KCNMA1: variants seen among roughly 807,000 people sequenced by gnomAD.
KCNMA1 encodes Calcium-activated potassium channel subunit alpha-1.
In KCNMA1, 29 loss-of-function variants were observed where a neutral mutation model predicts 140.0. The ratio of observed to expected loss-of-function variants is 0.21; its 90% CI spans 0.15 to 0.28. The LOEUF (loss-of-function observed/expected upper bound fraction) is 0.28. KCNMA1 is among the 10% of genes least tolerant of loss of function. KCNMA1 has a pLI of 1.00. For synonymous variants in KCNMA1, 612 were observed against 611.9 expected, an observed-to-expected ratio of 1.00 and a Z score of 0.00; for missense variants, 880 against 1,602.2, an observed-to-expected ratio of 0.55 and a Z score of 7.70.
chr10:76,969,826 T>C (rs931485386), intron 20 of KCNMA1, 148 bp downstream of exon 20: 2 of 677,992 alleles, frequency 2.9e-6, no homozygotes, highest in African/African-American at 3.6e-5. Context: ...CTCCAGCCTT[T>C]AAGAAGCCAT....
Position 77,110,458 on chromosome 10 carries a change from C to T in KCNMA1, c.961-115G>A, listed in dbSNP as rs7090036. 1.0e-3 allele frequency: 877 copies of T among 871,256 alleles called. 6 individuals carry two copies. The African/African-American group carries it at 0.013, about 13-fold the overall frequency. The allele number at this position is 871,256 out of a possible 1,614,324, so 54.0% of individuals were successfully genotyped here. A position where few individuals can be genotyped will look rare whatever the true frequency, so the allele number is the denominator to read the frequency against. Reference sequence around the variant, plus strand: ...GCCACTTGCTACTGCACACCACTCTCCACACGAGATGTGTGGTTCCCGGGC... The same window carrying T: ...GCCACTTGCTACTGCACACCACTCTTCACACGAGATGTGTGGTTCCCGGGC... On this transcript the variant is annotated intron_variant, in intron 7 of 27. Transcript: ENST00000286628.
At chr10:77,128,578 T>C (rs1237961799) in intron 5 of KCNMA1, among the ~76,000 whole-genome samples, 2 of 152,036 alleles carry the variant, frequency 1.3e-5, no homozygotes, top group South Asian at 2.1e-4. Context: ...GCAGAGGGAG[T>C]ATTAAGGCTC....
intron 1 of KCNMA1, among the ~76,000 whole-genome samples, chr10:77,621,311 T>A (rs745315603): frequency 6.6e-6 from 1 of 152,216 alleles, no homozygotes; most frequent in Non-Finnish European, 1.5e-5. Flanking sequence ...AATTTGGATA[T>A]ATTTATTTCT....
chr10:77,606,810 G>A (rs1329336658), intron 1 of KCNMA1, among the ~76,000 whole-genome samples: 1 of 152,038 alleles, frequency 6.6e-6, no homozygotes, highest in Non-Finnish European at 1.5e-5. Flanking sequence ...AGTTTATCGT[G>A]TTCAGTCCTT....
intron 1 of KCNMA1, chr10:77,586,968 A>G (rs577228567): frequency 6.6e-6 from 1 of 152,364 alleles, no homozygotes; most frequent in East Asian, 1.9e-4. Context: ...ACAAGTTTAC[A>G]ACCAGGATGG....
intron 18 of KCNMA1, among the ~76,000 whole-genome samples, chr10:77,005,555 A>G (rs1423905550): frequency 6.6e-6 from 1 of 152,190 alleles, no homozygotes; most frequent in Non-Finnish European, 1.5e-5. Flanking sequence ...AAGCAGAAAT[A>G]CAAGGCTCTA....
At chr10:77,446,389 T>A (rs1218205073) in intron 1 of KCNMA1, among the ~76,000 whole-genome samples, 1 of 152,192 alleles carries the variant, frequency 6.6e-6, no homozygotes, top group Non-Finnish European at 1.5e-5. Context: ...CAGATGCCAG[T>A]CCAAGAGCTA....
chr10:76,897,773 A>G (rs1259541680), intron 25 of KCNMA1, among the ~76,000 whole-genome samples: 1 of 152,064 alleles, frequency 6.6e-6, no homozygotes, highest in African/African-American at 2.4e-5. Flanking sequence ...TGACAAAACT[A>G]GCTATTAATA....
intron 3 of KCNMA1, among the ~76,000 whole-genome samples, chr10:77,240,183 G>C (rs2056896548): frequency 6.6e-6 from 1 of 152,152 alleles, no homozygotes. Context: ...TAGCAACCAT[G>C]TTTTAAAAGC....
At chr10:77,196,722 C>A (rs7897566) in intron 3 of KCNMA1, among the ~76,000 whole-genome samples, 2 of 151,958 alleles carry the variant, frequency 1.3e-5, no homozygotes, top group African/African-American at 4.8e-5. Flanking sequence ...TTAGTGCCTA[C>A]TCTTGGGCTA....
intron 2 of KCNMA1, among the ~76,000 whole-genome samples, chr10:77,357,195 C>T (rs1390749311): frequency 6.6e-6 from 1 of 152,172 alleles, no homozygotes; most frequent in South Asian, 2.1e-4. Context: ...TTTTCAGTTA[C>T]CCAAGCCATC....
At chr10:77,055,992 T>G (rs1045240025) in intron 14 of KCNMA1, among the ~76,000 whole-genome samples, 1 of 152,204 alleles carries the variant, frequency 6.6e-6, no homozygotes, top group African/African-American at 2.4e-5. Context: ...AGGGCAATAT[T>G]GGACAGATCC....
chr10:77,360,630 C>T (rs1393456005), intron 2 of KCNMA1, among the ~76,000 whole-genome samples: 2 of 152,224 alleles, frequency 1.3e-5, no homozygotes, highest in African/African-American at 4.8e-5. Flanking sequence ...CCAAGGCCTT[C>T]ACTCTTCCCA....
intron 1 of KCNMA1, among the ~76,000 whole-genome samples, chr10:77,592,394 G>A (rs192910900): frequency 2.8e-4 from 42 of 152,316 alleles, no homozygotes; most frequent in Non-Finnish European, 5.4e-4. Flanking sequence ...GATATTTGAG[G>A]AAGGCTTAAA....
intron 2 of KCNMA1, among the ~76,000 whole-genome samples, chr10:77,339,062 T>C (rs2090120180): frequency 6.6e-6 from 1 of 151,582 alleles, no homozygotes; most frequent in East Asian, 1.9e-4. Context: ...TAAACACAGA[T>C]ACATACAGAG....
chr10:77,216,602 G>A (rs767095085), intron 3 of KCNMA1, among the ~76,000 whole-genome samples: 1 of 152,034 alleles, frequency 6.6e-6, no homozygotes, highest in Non-Finnish European at 1.5e-5. Context: ...TTTAAACTAT[G>A]AAAAAATTGT....
chr10:77,393,759 C>T (rs1177744480), intron 2 of KCNMA1, among the ~76,000 whole-genome samples: 1 of 152,230 alleles, frequency 6.6e-6, no homozygotes, highest in Admixed American at 6.5e-5. Flanking sequence ...GAGAACGAGA[C>T]ACAAGGAGCA....
At chr10:76,893,181 CT>C (rs2040944412) in intron 25 of KCNMA1, among the ~76,000 whole-genome samples, 1 of 152,100 alleles carries the variant, frequency 6.6e-6, no homozygotes, top group African/African-American at 2.4e-5. Context: ...GTTTCATGAT[CT>C]GTAAAATGTA....
At chr10:77,372,585 G>A (rs2094816361) in intron 2 of KCNMA1, among the ~76,000 whole-genome samples, 1 of 152,150 alleles carries the variant, frequency 6.6e-6, no homozygotes, top group South Asian at 2.1e-4. Flanking sequence ...CCAAATGTTG[G>A]TGCAATTGTT....
Sources: allele counts gnomAD v4.1 joint callset (sites outside exome capture counted in the v4.1 genomes callset), GRCh38; gene constraint gnomAD v4.1.1; transcripts MANE v1.5; gene names NCBI Gene and HGNC (gene_info 2026-07-23, HGNC 2026-07-21).